SEL1L3: variants seen among roughly 807,000 people sequenced by gnomAD.
SEL1L3 encodes SEL1L family member 3.
In SEL1L3, 76 loss-of-function variants were observed where a neutral mutation model predicts 142.8. That is an observed-to-expected ratio of 0.53 (90% confidence interval 0.44 to 0.64). The LOEUF is 0.64. Ranked by LOEUF, SEL1L3 falls within the 30% of genes least tolerant of loss-of-function variation. SEL1L3 has a pLI of 0.00. For missense variants in SEL1L3, 1,262 were observed against 1,381.7 expected (o/e 0.91, Z 1.37); for synonymous variants, 504 against 519.6 (o/e 0.97, Z 0.41).
At chr4:25,857,336 C>A (rs1344797353) in intron 1 of SEL1L3, among the ~76,000 whole-genome samples, 1 of 152,200 alleles carries the variant, frequency 6.6e-6, no homozygotes, top group Non-Finnish European at 1.5e-5. Context: ...GATCAATATT[C>A]CTGGTTGTGT....
the SEL1L3 span, among the ~76,000 whole-genome samples, chr4:25,725,578 G>C: frequency 6.6e-6 from 1 of 152,178 alleles, no homozygotes; most frequent in Admixed American, 6.5e-5. Flanking sequence ...GCCTCCCAAA[G>C]TGTGGGATTA....
chr4:25,860,758 T>C (rs1012945779), intron 1 of SEL1L3: 2 of 152,276 alleles, frequency 1.3e-5, no homozygotes, highest in African/African-American at 4.8e-5. Context: ...AATCCATTCC[T>C]TCCCCATCTG....
At chr4:25,847,248 A>C in intron 2 of SEL1L3, 46 bp downstream of exon 2, 1 of 1,481,050 alleles carries the variant, frequency 6.8e-7, no homozygotes, top group Non-Finnish European at 9.2e-7. Flanking sequence ...GATACAGGCT[A>C]TCTGAAAAAA....
chr4:25,832,466 T>C (rs1207449105), intron 5 of SEL1L3, among the ~76,000 whole-genome samples: 1 of 152,262 alleles, frequency 6.6e-6, no homozygotes, highest in African/African-American at 2.4e-5. Flanking sequence ...TGTTTTATAC[T>C]ACAAAGTAGA....
At chr4:25,731,943 G>A in the SEL1L3 span, among the ~76,000 whole-genome samples, 3 of 152,082 alleles carry the variant, frequency 2.0e-5, no homozygotes, top group East Asian at 5.8e-4. Context: ...GCATGGTGGT[G>A]CGTGTCTGTA....
the SEL1L3 span, among the ~76,000 whole-genome samples, chr4:25,739,398 G>A: frequency 1.3e-5 from 2 of 151,742 alleles, no homozygotes; most frequent in Admixed American, 6.6e-5. Context: ...TAGCACCAAC[G>A]ATGATTTAAA....
intron 2 of SEL1L3, among the ~76,000 whole-genome samples, chr4:25,840,518 G>T (rs1036542860): frequency 1.3e-5 from 2 of 152,118 alleles, no homozygotes; most frequent in African/African-American, 4.8e-5. Context: ...AGATGAGAAT[G>T]CATTTTTGAA....
intron 9 of SEL1L3, among the ~76,000 whole-genome samples, chr4:25,807,275 T>C (rs1713654646): frequency 6.6e-6 from 1 of 152,186 alleles, no homozygotes. Flanking sequence ...GCATTGAACA[T>C]CCTCGAACAT....
At chr4:25,743,148 T>C (rs766981985), downstream of SEL1L3, among the ~76,000 whole-genome samples, 2 of 152,192 alleles carry the variant, frequency 1.3e-5, no homozygotes, top group South Asian at 2.1e-4. Context: ...CATGCAACAA[T>C]GAAAGCCCAG....
At chr4:25,840,915 G>A (rs1213140315) in intron 2 of SEL1L3, among the ~76,000 whole-genome samples, 1 of 152,068 alleles carries the variant, frequency 6.6e-6, no homozygotes, top group Admixed American at 6.6e-5. Context: ...TCCCGTCAAG[G>A]AACAAAGGCT....
the SEL1L3 span, among the ~76,000 whole-genome samples, chr4:25,726,527 CA>C: frequency 0.42 from 51,029 of 122,796 alleles, 9,005 homozygotes; most frequent in East Asian, 0.45. Context: ...GACTTGGTCT[CA>C]AAAAAAAAAA....
intron 11 of SEL1L3, among the ~76,000 whole-genome samples, chr4:25,793,346 G>A (rs1454035234): frequency 6.6e-6 from 1 of 152,090 alleles, no homozygotes; most frequent in African/African-American, 2.4e-5. Context: ...GCAGTGGCAC[G>A]ATCATGGCTC....
At chr4:25,739,256 G>A in the SEL1L3 span, among the ~76,000 whole-genome samples, 1 of 151,956 alleles carries the variant, frequency 6.6e-6, no homozygotes, top group Admixed American at 6.6e-5. Context: ...ATGTCTGGAG[G>A]CATTTTTGGT....
At chr4:25,842,281 G>A (rs187478662) in intron 2 of SEL1L3, among the ~76,000 whole-genome samples, 57 of 151,926 alleles carry the variant, frequency 3.8e-4, no homozygotes, top group Admixed American at 1.6e-3. Flanking sequence ...TCAGGGTGGG[G>A]GCTAGAAAAG....
chr4:25,797,455 T>C (rs1286305196), intron 11 of SEL1L3, among the ~76,000 whole-genome samples: 1 of 152,158 alleles, frequency 6.6e-6, no homozygotes, highest in Non-Finnish European at 1.5e-5. Flanking sequence ...GTTTTCTTTG[T>C]AGAAATTTAA....
Position 25,757,697 on chromosome 4 carries a change from G to A in SEL1L3, c.3177C>T (p.His1059=), listed in dbSNP as rs778163225. 5 of 1,591,274 alleles carry A rather than the reference G, an allele frequency of 3.1e-6. No individual in the cohort carries two copies. The Admixed American group carries it at 5.3e-5, about 17-fold the overall frequency. Reference sequence around the variant, plus strand: ...GGGACATGAAACCTACCAGGGCTGAGTGCAGGATAGCACCCCAGAGAAGCC... The same window carrying A: ...GGGACATGAAACCTACCAGGGCTGAATGCAGGATAGCACCCCAGAGAAGCC... ...HLRLLWGAIL[H]SALIYFLGTF... is the part of the protein sequence containing the mutation. Residue 1059 remains histidine (H), a synonymous_variant, in exon 22 of 24, where the codon CAC becomes CAT. Transcript: ENST00000399878.
chr4:25,790,860 G>T (rs900798946), intron 11 of SEL1L3, among the ~76,000 whole-genome samples: 1 of 152,116 alleles, frequency 6.6e-6, no homozygotes, highest in East Asian at 1.9e-4. Flanking sequence ...ATATAAGCAC[G>T]CAAAAGACAT....
intron 8 of SEL1L3, 85 bp downstream of exon 8, chr4:25,819,717 GTTTAAT>G (rs1409152867): frequency 4.2e-5 from 54 of 1,274,738 alleles, no homozygotes; most frequent in Non-Finnish European, 5.5e-5. Flanking sequence ...AGTCATATAT[GTTTAAT>G]TTTAATCCTG....
At chr4:25,749,029 G>A (rs1717420289) in intron 23 of SEL1L3, among the ~76,000 whole-genome samples, 1 of 152,150 alleles carries the variant, frequency 6.6e-6, no homozygotes. Context: ...GTGATCTAGT[G>A]ATTAGAGCCC....
Sources: allele counts gnomAD v4.1 joint callset (sites outside exome capture counted in the v4.1 genomes callset), GRCh38; gene constraint gnomAD v4.1.1; transcripts MANE v1.5; gene names NCBI Gene and HGNC (gene_info 2026-07-23, HGNC 2026-07-21).